The following PCCA variants were observed in gnomAD, a reference collection of about 807,000 sequenced individuals.
PCCA encodes propionyl-CoA carboxylase subunit alpha.
In PCCA, 74 loss-of-function variants were observed where a neutral mutation model predicts 101.3. The observed-to-expected ratio is 0.73, with a 90% CI of 0.61 to 0.89. The LOEUF (loss-of-function observed/expected upper bound fraction) is 0.89, where lower values mean the gene tolerates loss of function less well. PCCA is among the 40% of genes least tolerant of loss of function. The pLI is 0.00. For synonymous variants in PCCA, 294 were observed against 313.6 expected (o/e 0.94, Z 0.66); for missense variants, 891 against 907.0 (o/e 0.98, Z 0.23).
chr13:100,254,196 G>A (rs766340523), intron 8 of PCCA, among the ~76,000 whole-genome samples: 2 of 152,124 alleles, frequency 1.3e-5, no homozygotes, highest in Non-Finnish European at 2.9e-5. Flanking sequence ...CACGAGGACA[G>A]TGTGGGGAAA....
chr13:100,378,442 C>A (rs980564232), intron 19 of PCCA, among the ~76,000 whole-genome samples: 17 of 152,182 alleles, frequency 1.1e-4, no homozygotes, highest in Admixed American at 1.1e-3. Flanking sequence ...TTGAGGATTT[C>A]TGGACCTTCT....
chr13:100,126,407 G>A (rs567684988), intron 4 of PCCA, among the ~76,000 whole-genome samples: 1 of 151,860 alleles, frequency 6.6e-6, no homozygotes, highest in Non-Finnish European at 1.5e-5. Flanking sequence ...AAATTTATGT[G>A]TCTTTACTTT....
chr13:100,468,652 T>A (rs1471543237), intron 21 of PCCA, among the ~76,000 whole-genome samples: 1 of 152,156 alleles, frequency 6.6e-6, no homozygotes, highest in Non-Finnish European at 1.5e-5. Context: ...TGTGTAGAAT[T>A]GAAGAGAGCT....
chr13:100,334,416 A>G (rs1236988568), intron 17 of PCCA, among the ~76,000 whole-genome samples: 1 of 152,214 alleles, frequency 6.6e-6, no homozygotes, highest in Non-Finnish European at 1.5e-5. Context: ...TTTGGCCTGC[A>G]TATTGAGCAG....
At chr13:100,289,672 T>G (rs2064979996) in intron 12 of PCCA, among the ~76,000 whole-genome samples, 2 of 152,146 alleles carry the variant, frequency 1.3e-5, no homozygotes, top group African/African-American at 4.8e-5. Flanking sequence ...CCTTTAAAAT[T>G]TTATTTATGT....
intron 20 of PCCA, 106 bp downstream of exon 20, chr13:100,425,837 A>G: frequency 1.3e-6 from 1 of 772,400 alleles, no homozygotes; most frequent in South Asian, 1.5e-5. Flanking sequence ...GCTGTATTTT[A>G]TTCACCTTAT....
At chr13:100,163,650 A>G (rs976663728) in intron 6 of PCCA, among the ~76,000 whole-genome samples, 3 of 152,232 alleles carry the variant, frequency 2.0e-5, no homozygotes, top group African/African-American at 7.2e-5. Context: ...CTTTAAAAGT[A>G]TACAATTGAG....
At chr13:100,122,251 T>G (rs528904914) in intron 4 of PCCA, among the ~76,000 whole-genome samples, 60 of 152,258 alleles carry the variant, frequency 3.9e-4, no homozygotes, top group Non-Finnish European at 7.8e-4. Flanking sequence ...TGGATTCAGT[T>G]TGTTAGTATT....
chr13:100,319,363 G>A (rs369036251), intron 16 of PCCA, among the ~76,000 whole-genome samples: 14,993 of 150,574 alleles, frequency 0.1, 832 homozygotes, highest in Non-Finnish European at 0.13. Context: ...GTCAATTTTG[G>A]CTTTTGTTGC....
intron 20 of PCCA, among the ~76,000 whole-genome samples, chr13:100,427,480 AT>A (rs2079235290): frequency 6.6e-6 from 1 of 152,210 alleles, no homozygotes; most frequent in Non-Finnish European, 1.5e-5. Context: ...TTATAGCTAG[AT>A]TAATAGGGAT....
Position 100,111,819 on chromosome 13 carries a change from A to T in PCCA, c.184-22A>T, listed in dbSNP as rs752004238. 3.1e-5 allele frequency: 48 copies of T among 1,543,188 alleles called. 1 individual carries two copies. The South Asian group carries it at 5.4e-4, about 17-fold the overall frequency. On this transcript the variant is annotated intron_variant, in intron 2 of 23. Transcript: ENST00000376285. ...GGTTTAAAAGTAACAATTTCTAATG[A>T]ATGTGTTTTTTCTCTCTTCAGACTT... is the stretch of plus-strand genomic sequence containing the variant.
At chr13:100,147,820 A>G (rs1186666758) in intron 4 of PCCA, among the ~76,000 whole-genome samples, 1 of 152,166 alleles carries the variant, frequency 6.6e-6, no homozygotes, top group African/African-American at 2.4e-5. Context: ...TCAAATGTAT[A>G]CTTTCACTCT....
At chr13:100,407,527 G>A (rs1026901027) in intron 19 of PCCA, among the ~76,000 whole-genome samples, 13 of 152,196 alleles carry the variant, frequency 8.5e-5, no homozygotes, top group Admixed American at 4.6e-4. Context: ...GCAGATTAGC[G>A]CCTTACAAAA....
At chr13:100,212,846 C>G (rs1292789266) in intron 7 of PCCA, among the ~76,000 whole-genome samples, 1 of 151,574 alleles carries the variant, frequency 6.6e-6, no homozygotes, top group African/African-American at 2.4e-5. Context: ...CATTTTTGTA[C>G]CCATTAACCA....
chr13:100,262,723 T>TC lies in PCCA; in HGVS notation c.717-5dup, dbSNP rs2062610539. The stretch of plus-strand genomic sequence containing the variant: ...CCCTCCTCCTTCTTCCTTCTTTTTT[T>TC]CACAGGGATGGTTTTAGATTGTCAT... On this transcript the variant is annotated splice_region_variant and splice_polypyrimidine_tract_variant and intron_variant, in intron 9 of 23. Transcript: ENST00000376285. The TC allele has an allele frequency of 2.0e-6, 3 of 1,485,020 alleles. No homozygotes were observed. The highest frequency in any genetic ancestry group is 2.3e-5 in the South Asian group (2 of 87,990). The allele number at this position is 1,485,020 out of a possible 1,614,324, so 92.0% of individuals were successfully genotyped here.
At chr13:100,344,452 T>G (rs1227478670) in intron 18 of PCCA, among the ~76,000 whole-genome samples, 1 of 152,230 alleles carries the variant, frequency 6.6e-6, no homozygotes, top group Non-Finnish European at 1.5e-5. Flanking sequence ...TGTTTCTTCT[T>G]TAATAATAAT....
At chr13:100,265,155 A>G (rs1467616293) in intron 10 of PCCA, among the ~76,000 whole-genome samples, 1 of 152,170 alleles carries the variant, frequency 6.6e-6, no homozygotes, top group Admixed American at 6.5e-5. Context: ...CACTTTGATA[A>G]TAATGTCTTT....
chr13:100,350,009 G>T (rs1314714486), intron 18 of PCCA, among the ~76,000 whole-genome samples: 1 of 152,114 alleles, frequency 6.6e-6, no homozygotes, highest in Non-Finnish European at 1.5e-5. Context: ...CCTGGTTTCA[G>T]ATATAGAATT....
chr13:100,236,116 C>T (rs553091910), intron 8 of PCCA, among the ~76,000 whole-genome samples: 1 of 152,166 alleles, frequency 6.6e-6, no homozygotes, highest in South Asian at 2.1e-4. Flanking sequence ...AGATCACAGG[C>T]TAATTCAAAG....
Sources: allele counts gnomAD v4.1 joint callset (sites outside exome capture counted in the v4.1 genomes callset), GRCh38; gene constraint gnomAD v4.1.1; transcripts MANE v1.5; gene names NCBI Gene and HGNC (gene_info 2026-07-23, HGNC 2026-07-21).